The following PDK1 variants were observed in gnomAD, a reference collection of about 807,000 sequenced individuals.
PDK1 encodes [Pyruvate dehydrogenase (acetyl-transferring)] kinase isozyme 1, mitochondrial.
PDK1 carries 39 observed loss-of-function variants against 54.2 expected under a neutral mutation model. That is an observed-to-expected ratio of 0.72 (90% CI 0.56 to 0.94). PDK1 has a LOEUF of 0.94. Ranked by LOEUF, PDK1 falls within the 40% of genes least tolerant of loss-of-function variation. The probability of loss-of-function intolerance (pLI) is 0.00; values close to 1 mark genes in which losing one functional copy is unlikely to be tolerated. For missense variants in PDK1, 552 were observed against 566.0 expected, an observed-to-expected ratio of 0.98 and a Z score of 0.25; for synonymous variants, 221 against 207.1, an observed-to-expected ratio of 1.07 and a Z score of -0.58.
In PDK1 at chr2:172,564,440, A is replaced by T. The variant is rs373619302; in HGVS notation, c.411-63A>T. The T allele has an allele frequency of 1.9e-5, 26 of 1,359,294 alleles. 3 individuals are homozygous for T. The African/African-American group carries it at 3.2e-4, about 17-fold the overall frequency. 84.2% of individuals were successfully genotyped at this position (1,359,294 alleles called of 1,614,324 possible). ...TTGTCTAGCATAGTTGGTTAAGCTT[A>T]TATTTTTGTATTAAGTTTACTTGTC... On this transcript the variant is annotated intron_variant, in intron 3 of 10. Transcript: ENST00000282077.
the PDK1 span, among the ~76,000 whole-genome samples, chr2:172,681,272 G>A: frequency 2.0e-4 from 30 of 152,298 alleles, no homozygotes; most frequent in African/African-American, 9.6e-5. Context: ...ACATAATGCC[G>A]CCCCAGTCCC....
chr2:172,621,807 ATC>A, the PDK1 span, among the ~76,000 whole-genome samples: 1 of 113,716 alleles, frequency 8.8e-6, no homozygotes, highest in South Asian at 2.4e-4. Context: ...ATATGTTTAT[ATC>A]TCATATGTAT....
the PDK1 span, among the ~76,000 whole-genome samples, chr2:172,711,047 A>G: frequency 3.9e-5 from 6 of 152,200 alleles, no homozygotes; most frequent in Non-Finnish European, 5.9e-5. Flanking sequence ...AATTTTTCCT[A>G]GGTTGTAAAT....
intron 10 of PDK1, among the ~76,000 whole-genome samples, chr2:172,593,289 A>G (rs1159353764): frequency 2.6e-5 from 4 of 152,330 alleles, no homozygotes; most frequent in Admixed American, 6.5e-5. Flanking sequence ...GTTAAAGTAG[A>G]GAATCATAAG....
chr2:172,614,816 C>G, the PDK1 span, among the ~76,000 whole-genome samples: 2 of 152,154 alleles, frequency 1.3e-5, no homozygotes, highest in African/African-American at 4.8e-5. Flanking sequence ...AATTGACACC[C>G]CAGAGATCCT....
the PDK1 span, among the ~76,000 whole-genome samples, chr2:172,621,596 G>GTTTATATATC: frequency 2.8e-3 from 384 of 139,544 alleles, 2 homozygotes; most frequent in Admixed American, 4.5e-3. Flanking sequence ...GTTTATATAT[G>GTTTATATATC]ATATATGTTT....
At chr2:172,714,889 T>C in the PDK1 span, among the ~76,000 whole-genome samples, 41 of 152,152 alleles carry the variant, frequency 2.7e-4, no homozygotes, top group Admixed American at 2.0e-3. Flanking sequence ...AAGTACACTA[T>C]AGGATAGAAT....
chr2:172,564,019 T>G, intron 3 of PDK1: 3 of 471,332 alleles, frequency 6.4e-6, no homozygotes, highest in Non-Finnish European at 1.3e-5. Flanking sequence ...TGTTTTTCTG[T>G]CCTAAGTGTT....
chr2:172,568,159 C>G (rs553969735), intron 6 of PDK1, among the ~76,000 whole-genome samples: 1 of 151,592 alleles, frequency 6.6e-6, no homozygotes, highest in Admixed American at 6.6e-5. Flanking sequence ...TGGTGAAACC[C>G]GTCTCTACTA....
At chr2:172,621,894 G>GTATGATATATGTTTATATCTCCTA in the PDK1 span, among the ~76,000 whole-genome samples, 5 of 109,536 alleles carry the variant, frequency 4.6e-5, no homozygotes, top group South Asian at 2.6e-4. Flanking sequence ...TATCTCATAT[G>GTATGATATATGTTTATATCTCCTA]TATGATATAT....
At chr2:172,667,442 A>G in the PDK1 span, among the ~76,000 whole-genome samples, 1 of 152,212 alleles carries the variant, frequency 6.6e-6, no homozygotes, top group African/African-American at 2.4e-5. Context: ...ATAAGAACCA[A>G]ATAAAGAAGG....
the PDK1 span, among the ~76,000 whole-genome samples, chr2:172,659,669 G>A: frequency 3.3e-5 from 5 of 152,134 alleles, no homozygotes; most frequent in Non-Finnish European, 5.9e-5. Context: ...CGTGAGGAAA[G>A]CATCCATTCA....
At chr2:172,721,707 G>A in the PDK1 span, among the ~76,000 whole-genome samples, 3 of 152,188 alleles carry the variant, frequency 2.0e-5, no homozygotes, top group Non-Finnish European at 4.4e-5. Context: ...GCATGGAAGG[G>A]TTAATAATTT....
the PDK1 span, among the ~76,000 whole-genome samples, chr2:172,684,434 A>C: frequency 6.6e-6 from 1 of 152,202 alleles, no homozygotes; most frequent in Non-Finnish European, 1.5e-5. Context: ...AATAAAATAA[A>C]ATAAAGTAAG....
the PDK1 span, among the ~76,000 whole-genome samples, chr2:172,620,819 G>C: frequency 6.6e-6 from 1 of 152,142 alleles, no homozygotes; most frequent in Non-Finnish European, 1.5e-5. Context: ...AGTTTTCTGA[G>C]GCCTCCCCAG....
the PDK1 span, among the ~76,000 whole-genome samples, chr2:172,682,653 A>G: frequency 0.24 from 36,429 of 152,114 alleles, 4,942 homozygotes; most frequent in East Asian, 0.56. Context: ...TTGCAGACCT[A>G]AACCCAGCCC....
At chr2:172,694,031 G>A in the PDK1 span, among the ~76,000 whole-genome samples, 2 of 152,194 alleles carry the variant, frequency 1.3e-5, no homozygotes, top group Admixed American at 6.5e-5. Flanking sequence ...CTGAAAAAAC[G>A]TTTGGTGTAT....
the PDK1 span, among the ~76,000 whole-genome samples, chr2:172,720,330 GTCTT>G: frequency 6.6e-6 from 1 of 152,106 alleles, no homozygotes; most frequent in African/African-American, 2.4e-5. Flanking sequence ...GGCCAGGCTA[GTCTT>G]GAATTCCCGA....
At chr2:172,673,551 C>A in the PDK1 span, among the ~76,000 whole-genome samples, 141 of 152,252 alleles carry the variant, frequency 9.3e-4, 1 homozygote, top group African/African-American at 3.1e-3. Flanking sequence ...ACGTGATGGT[C>A]GCCTGACATT....
Sources: gnomAD v4.1 joint callset for allele counts (sites outside exome capture counted in the v4.1 genomes callset) on GRCh38, gnomAD v4.1.1 for gene constraint, MANE v1.5 for transcripts, NCBI Gene and HGNC (gene_info 2026-07-23, HGNC 2026-07-21) for gene names.